Variants in RBFOX1 observed in about 807,000 individuals in gnomAD.
The protein encoded by RBFOX1 is RNA binding protein fox-1 homolog 1.
Under a neutral mutation model 57.7 loss-of-function variants are expected in RBFOX1, and 8 were observed. That is an observed-to-expected ratio of 0.14 (90% CI 0.08 to 0.25). The LOEUF is 0.25. Among genes scored for constraint, RBFOX1 ranks in the 10% least tolerant of loss-of-function variants. RBFOX1 has a pLI of 1.00. For synonymous variants in RBFOX1, 326 were observed against 222.4 expected (o/e 1.47, Z -4.15); for missense variants, 611 against 548.5 (o/e 1.11, Z -1.14).
intron 4 of RBFOX1, among the ~76,000 whole-genome samples, chr16:7,201,546 C>G (rs913561570): frequency 1.3e-5 from 2 of 151,928 alleles, no homozygotes; most frequent in South Asian, 2.1e-4. Flanking sequence ...ACTGCAACCT[C>G]TGCCCCACTG....
chr16:6,039,169 G>T (rs946740187), intron 1 of RBFOX1, among the ~76,000 whole-genome samples: 2 of 151,916 alleles, frequency 1.3e-5, no homozygotes, highest in Admixed American at 6.6e-5. Context: ...GCATGAGAGG[G>T]CATTTCCTCT....
At chr16:6,336,731 G>A (rs1288966068) in intron 2 of RBFOX1, among the ~76,000 whole-genome samples, 1 of 152,164 alleles carries the variant, frequency 6.6e-6, no homozygotes, top group Non-Finnish European at 1.5e-5. Flanking sequence ...TGTGGAGACA[G>A]TTTGCACAGC....
At chr16:7,397,203 G>A (rs1446893429) in intron 4 of RBFOX1, among the ~76,000 whole-genome samples, 1 of 152,228 alleles carries the variant, frequency 6.6e-6, no homozygotes, top group Non-Finnish European at 1.5e-5. Flanking sequence ...GGTGCTGAGT[G>A]TAGTAACAGG....
At position 5,735,618 on chromosome 16, in the gene RBFOX1, C is replaced by T. The variant is rs143987566; in HGVS notation, c.319-131685C>T. The stretch of plus-strand genomic sequence containing the variant: ...CCATGTAATAAGTACGTGCATGGGC[C>T]GGGCCCAGTGGTTCACGCCTATAAT... On this transcript the variant is annotated intron_variant, in intron 3 of 19. Coordinates refer to the RBFOX1 transcript ENST00000641259. Among the ~76,000 whole-genome samples the T allele has an allele frequency of 2.4e-3, 370 of 152,232 alleles. 1 individual carries two copies. The highest frequency in any genetic ancestry group is 6.8e-3 in the African/African-American group (282 of 41,530).
chr16:6,944,666 T>C (rs1227463270), intron 3 of RBFOX1, among the ~76,000 whole-genome samples: 1 of 152,144 alleles, frequency 6.6e-6, no homozygotes, highest in Non-Finnish European at 1.5e-5. Flanking sequence ...GCCTAGAAAG[T>C]GCAGGAACCT....
At chr16:6,294,877 T>C (rs951404988) in intron 1 of RBFOX1, among the ~76,000 whole-genome samples, 2 of 151,986 alleles carry the variant, frequency 1.3e-5, no homozygotes, top group African/African-American at 4.8e-5. Flanking sequence ...CCGTTCCCTA[T>C]CATTTAAGGA....
chr16:6,987,537 A>G (rs1235824994), intron 3 of RBFOX1, among the ~76,000 whole-genome samples: 5 of 151,878 alleles, frequency 3.3e-5, no homozygotes, highest in African/African-American at 7.3e-5. Context: ...AAACATAATC[A>G]TATACACGGG....
At chr16:7,626,217 T>TA (rs2060045547) in intron 10 of RBFOX1, among the ~76,000 whole-genome samples, 1 of 152,130 alleles carries the variant, frequency 6.6e-6, no homozygotes, top group African/African-American at 2.4e-5. Flanking sequence ...GGCAGCAGAG[T>TA]AAACAGTTTT....
chr16:5,493,747 T>C (rs960756421), intron 2 of RBFOX1, among the ~76,000 whole-genome samples: 32 of 152,224 alleles, frequency 2.1e-4, no homozygotes, highest in African/African-American at 7.5e-4. Context: ...GTTTAATGTT[T>C]GAAAACTTTG....
At chr16:5,425,783 CT>C (rs1188461082) in intron 1 of RBFOX1, among the ~76,000 whole-genome samples, 1 of 152,168 alleles carries the variant, frequency 6.6e-6, no homozygotes, top group East Asian at 1.9e-4. Context: ...TCCAGATCAC[CT>C]GGAACCCCCC....
At chr16:6,533,430 C>G (rs576548037) in intron 2 of RBFOX1, among the ~76,000 whole-genome samples, 79 of 152,264 alleles carry the variant, frequency 5.2e-4, no homozygotes, top group African/African-American at 1.8e-3. Context: ...TGATCACTGC[C>G]ACGTGGCACC....
intron 4 of RBFOX1, among the ~76,000 whole-genome samples, chr16:7,103,513 T>A (rs1157817436): frequency 6.6e-6 from 1 of 152,168 alleles, no homozygotes; most frequent in Non-Finnish European, 1.5e-5. Flanking sequence ...TGTATTGGTA[T>A]GTTAAGAGAT....
rs117786669 is a variant in RBFOX1 at position 5,270,731 on chromosome 16, A to G, written c.219+30626A>G. 2.8e-4 allele frequency: 136 copies of G among 485,568 alleles called. 1 individual carries two copies. The East Asian group carries it at 3.8e-3, about 14-fold the overall frequency. 30.1% of individuals were successfully genotyped at this position (485,568 alleles called of 1,614,324 possible). ...AATGACTTGAAAGAAGTGGTCAATA[A>G]ATTGATACCAGATAACATCGGAAAA... On this transcript the variant is annotated intron_variant, in intron 1 of 2. Transcript: ENST00000585867.
At chr16:7,552,892 A>C (rs991380734) in intron 5 of RBFOX1, among the ~76,000 whole-genome samples, 1 of 152,072 alleles carries the variant, frequency 6.6e-6, no homozygotes, top group Non-Finnish European at 1.5e-5. Context: ...CATATTGGCC[A>C]GGCTGGTCTC....
At position 5,585,795 on chromosome 16, in the gene RBFOX1, G is replaced by C. The variant is rs574669568; in HGVS notation, c.259-13107G>C. 2.1e-4 allele frequency among the ~76,000 whole-genome samples: 32 copies of C among 152,288 alleles called. No homozygotes were observed. In the South Asian group the frequency reaches 5.0e-3, roughly 24 times the overall value. On this transcript the variant is annotated intron_variant, in intron 2 of 2. Transcript: ENST00000585867. ...GTGGATTCAAGAACTGCAGATCCTT[G>C]GTCTTCACTGCTGGAGATTCCAACC...
intron 4 of RBFOX1, among the ~76,000 whole-genome samples, chr16:7,276,800 G>A (rs1289687730): frequency 2.6e-5 from 4 of 152,194 alleles, no homozygotes; most frequent in Non-Finnish European, 4.4e-5. Flanking sequence ...TACCAAAAAT[G>A]TTCTTAAGGA....
At chr16:6,927,940 A>G (rs2075899396) in intron 3 of RBFOX1, among the ~76,000 whole-genome samples, 1 of 152,220 alleles carries the variant, frequency 6.6e-6, no homozygotes, top group South Asian at 2.1e-4. Flanking sequence ...GGCATTGGTC[A>G]TAATCTTGAA....
At chr16:6,062,096 G>A (rs1488818385) in intron 1 of RBFOX1, among the ~76,000 whole-genome samples, 2 of 152,160 alleles carry the variant, frequency 1.3e-5, no homozygotes, top group African/African-American at 2.4e-5. Flanking sequence ...GAGATGAACA[G>A]CCAAACGAGA....
intron 4 of RBFOX1, among the ~76,000 whole-genome samples, chr16:7,116,421 G>C (rs920337201): frequency 6.6e-6 from 1 of 152,094 alleles, no homozygotes; most frequent in African/African-American, 2.4e-5. Context: ...ATATTGCAGT[G>C]AAATGCACCA....
Sources: gnomAD v4.1 joint callset for allele counts (sites outside exome capture counted in the v4.1 genomes callset) on GRCh38, gnomAD v4.1.1 for gene constraint, MANE v1.5 for transcripts, NCBI Gene and HGNC (gene_info 2026-07-23, HGNC 2026-07-21) for gene names.